Variants in STXBP5L observed in about 807,000 individuals in gnomAD.
STXBP5L encodes syntaxin-binding protein 5-like.
STXBP5L carries 65 observed loss-of-function variants against 144.5 expected under a neutral mutation model. The observed-to-expected ratio is 0.45, with a 90% CI of 0.37 to 0.55. The LOEUF is 0.55. Among genes scored for constraint, STXBP5L ranks in the 20% least tolerant of loss-of-function variants. STXBP5L has a pLI of 0.00. For missense variants in STXBP5L, 1,298 were observed against 1,405.5 expected, an observed-to-expected ratio of 0.92 and a Z score of 1.22; for synonymous variants, 505 against 469.6, an observed-to-expected ratio of 1.08 and a Z score of -0.97.
intron 5 of STXBP5L, among the ~76,000 whole-genome samples, chr3:121,084,161 A>G (rs549955112): frequency 6.6e-6 from 1 of 152,124 alleles, no homozygotes; most frequent in South Asian, 2.1e-4. Context: ...TTGTTGAGAC[A>G]GGAGGTAAGT....
Position 121,363,980 on chromosome 3 carries a change from A to G in STXBP5L, c.2177-14736A>G, listed in dbSNP as rs139836750. ...ATTAGCAAATATTTTCTTCCATTCT[A>G]TGTGTGGCCTTTTTACTCTGTTGAT... On this transcript the variant is annotated intron_variant, in intron 20 of 26. Coordinates refer to ENST00000471454, the MANE Select transcript of STXBP5L (RefSeq NM_001308330.2). Among the ~76,000 whole-genome samples, 290 of 152,290 alleles carry G rather than the reference A, an allele frequency of 1.9e-3. 3 individuals carry two copies. The highest frequency in any genetic ancestry group is 6.5e-4 in the Non-Finnish European group (44 of 68,016).
intron 19 of STXBP5L, among the ~76,000 whole-genome samples, chr3:121,284,804 T>G (rs1301866089): frequency 6.6e-6 from 1 of 152,050 alleles, no homozygotes; most frequent in East Asian, 1.9e-4. Context: ...TTGAAGGACT[T>G]AAAGAAATCC....
intron 5 of STXBP5L, among the ~76,000 whole-genome samples, chr3:121,055,617 C>T (rs1333094536): frequency 2.0e-5 from 3 of 152,092 alleles, no homozygotes; most frequent in East Asian, 3.9e-4. Context: ...CTCAAGCAAT[C>T]CTCCCGCCTC....
chr3:121,317,659 C>T (rs2043829888), intron 19 of STXBP5L, among the ~76,000 whole-genome samples: 1 of 151,928 alleles, frequency 6.6e-6, no homozygotes, highest in Non-Finnish European at 1.5e-5. Flanking sequence ...GATAGAAAAA[C>T]CATAATGAAG....
chr3:120,974,794 T>C (rs1940746835), intron 3 of STXBP5L, among the ~76,000 whole-genome samples: 1 of 152,208 alleles, frequency 6.6e-6, no homozygotes, highest in Non-Finnish European at 1.5e-5. Flanking sequence ...ATTTATTAAA[T>C]AGGGAATCCT....
intron 3 of STXBP5L, among the ~76,000 whole-genome samples, chr3:121,013,096 A>C (rs1490372535): frequency 6.6e-6 from 1 of 151,906 alleles, no homozygotes; most frequent in Non-Finnish European, 1.5e-5. Flanking sequence ...CCAATCTATC[A>C]TTGATGGGCA....
intron 20 of STXBP5L, among the ~76,000 whole-genome samples, chr3:121,354,508 C>CTT (rs145703750): frequency 0.27 from 18,083 of 67,220 alleles, 4,218 homozygotes; most frequent in East Asian, 0.44. Flanking sequence ...TGCAACCCTG[C>CTT]TTTTTTTTTT....
intron 25 of STXBP5L, among the ~76,000 whole-genome samples, chr3:121,417,444 T>C (rs1438171235): frequency 1.3e-5 from 2 of 152,082 alleles, no homozygotes; most frequent in Non-Finnish European, 2.9e-5. Context: ...TCTGCCAAAA[T>C]AGCTGTTTTT....
At chr3:121,313,927 G>A (rs1166404482) in intron 19 of STXBP5L, among the ~76,000 whole-genome samples, 1 of 148,598 alleles carries the variant, frequency 6.7e-6, no homozygotes, top group African/African-American at 2.5e-5. Context: ...CAGGGTTGCG[G>A]CCCAGCAGAA....
intron 9 of STXBP5L, among the ~76,000 whole-genome samples, chr3:121,205,233 T>C (rs962463632): frequency 4.6e-5 from 7 of 152,222 alleles, no homozygotes; most frequent in Non-Finnish European, 8.8e-5. Flanking sequence ...ATTTGGCTTA[T>C]GATTCTGGAG....
intron 9 of STXBP5L, among the ~76,000 whole-genome samples, chr3:121,189,569 C>A (rs942478425): frequency 2.0e-5 from 3 of 152,080 alleles, no homozygotes; most frequent in Non-Finnish European, 4.4e-5. Context: ...CTATTCTGTT[C>A]CATTGGTCTA....
At chr3:121,067,609 T>C (rs1395446768) in intron 5 of STXBP5L, among the ~76,000 whole-genome samples, 1 of 152,192 alleles carries the variant, frequency 6.6e-6, no homozygotes, top group Non-Finnish European at 1.5e-5. Flanking sequence ...ATGTACTATA[T>C]ATGTAAATTT....
At chr3:121,095,046 A>G (rs1023088053) in intron 5 of STXBP5L, among the ~76,000 whole-genome samples, 1 of 152,084 alleles carries the variant, frequency 6.6e-6, no homozygotes, top group African/African-American at 2.4e-5. Flanking sequence ...TCACTTATGA[A>G]GCTTAGTTTG....
At chr3:120,950,158 T>C (rs1274604630) in intron 2 of STXBP5L, among the ~76,000 whole-genome samples, 1 of 152,052 alleles carries the variant, frequency 6.6e-6, no homozygotes, top group African/African-American at 2.4e-5. Context: ...TTGACTTTTA[T>C]ATTTAAACGT....
At chr3:120,948,677 A>T (rs961563352) in intron 2 of STXBP5L, among the ~76,000 whole-genome samples, 1 of 151,964 alleles carries the variant, frequency 6.6e-6, no homozygotes, top group Non-Finnish European at 1.5e-5. Context: ...TTCCTGAGTT[A>T]CTTAACTTAG....
chr3:121,388,046 C>A (rs1252753914), intron 22 of STXBP5L, among the ~76,000 whole-genome samples: 3 of 152,122 alleles, frequency 2.0e-5, no homozygotes, highest in Non-Finnish European at 2.9e-5. Flanking sequence ...ATGGAATATT[C>A]TTCTATTTGT....
At chr3:121,100,299 T>G (rs148595593) in intron 5 of STXBP5L, among the ~76,000 whole-genome samples, 1 of 152,286 alleles carries the variant, frequency 6.6e-6, no homozygotes, top group Non-Finnish European at 1.5e-5. Context: ...GGATACTCAC[T>G]CTTGTCTTCT....
At chr3:121,333,056 C>T (rs1244492950) in intron 20 of STXBP5L, among the ~76,000 whole-genome samples, 1 of 152,052 alleles carries the variant, frequency 6.6e-6, no homozygotes, top group Non-Finnish European at 1.5e-5. Context: ...ACTACCACAC[C>T]AGCCCTATAA....
chr3:121,301,169 C>A (rs1314711479), intron 19 of STXBP5L, among the ~76,000 whole-genome samples: 2 of 152,148 alleles, frequency 1.3e-5, no homozygotes, highest in African/African-American at 4.8e-5. Flanking sequence ...TTGATTCTTC[C>A]TACCCATGAG....
Sources: allele counts gnomAD v4.1 joint callset (sites outside exome capture counted in the v4.1 genomes callset), GRCh38; gene constraint gnomAD v4.1.1; transcripts MANE v1.5; gene names NCBI Gene and HGNC (gene_info 2026-07-23, HGNC 2026-07-21).